The following AFG2A variants were observed in gnomAD, a reference collection of about 807,000 sequenced individuals.
The protein encoded by AFG2A is AAA ATPase AFG2A, also known as ATPase family gene 2 protein homolog A.
At chr4:123,248,071 C>CA in the AFG2A span, among the ~76,000 whole-genome samples, 387 of 148,312 alleles carry the variant, frequency 2.6e-3, 4 homozygotes, top group Non-Finnish European at 1.5e-3. Context: ...GTGCTTTGCA[C>CA]ACAAAAAAAA....
the AFG2A span, among the ~76,000 whole-genome samples, chr4:122,964,009 G>A: frequency 7.9e-5 from 12 of 152,034 alleles, no homozygotes; most frequent in East Asian, 2.3e-3. Flanking sequence ...GCTTCTCTTG[G>A]CATACAAATT....
chr4:123,234,247 G>T, the AFG2A span, among the ~76,000 whole-genome samples: 2 of 152,058 alleles, frequency 1.3e-5, no homozygotes, highest in Non-Finnish European at 2.9e-5. Flanking sequence ...TATACAATCT[G>T]ACGGTATAAA....
the AFG2A span, among the ~76,000 whole-genome samples, chr4:123,309,505 G>A: frequency 2.6e-5 from 4 of 152,320 alleles, no homozygotes; most frequent in African/African-American, 9.6e-5. Flanking sequence ...TGGAGATTAA[G>A]TTTCAACATA....
the AFG2A span, among the ~76,000 whole-genome samples, chr4:123,019,611 G>T: frequency 6.6e-6 from 1 of 152,116 alleles, no homozygotes; most frequent in African/African-American, 2.4e-5. Flanking sequence ...TTACATGTAT[G>T]CAATTTTCAA....
chr4:122,935,735 T>A, the AFG2A span: 1 of 1,607,632 alleles, frequency 6.2e-7, no homozygotes, highest in Non-Finnish European at 8.5e-7. Context: ...CCTAGAGGAG[T>A]GTTACTTTAT....
chr4:123,078,991 G>T, the AFG2A span, among the ~76,000 whole-genome samples: 1 of 152,080 alleles, frequency 6.6e-6, no homozygotes, highest in African/African-American at 2.4e-5. Flanking sequence ...CTTCTGTTTT[G>T]CATTGTTTGA....
the AFG2A span, among the ~76,000 whole-genome samples, chr4:123,131,311 A>AT: frequency 1.3e-5 from 2 of 152,062 alleles, no homozygotes; most frequent in African/African-American, 4.8e-5. Context: ...TTTTAAAATT[A>AT]TTTTTTTATT....
the AFG2A span, among the ~76,000 whole-genome samples, chr4:123,216,269 T>G: frequency 2.0e-5 from 3 of 152,160 alleles, no homozygotes; most frequent in African/African-American, 7.2e-5. Context: ...TAGATAAAAG[T>G]GAATGTGGAA....
chr4:123,097,311 A>G, the AFG2A span, among the ~76,000 whole-genome samples: 1 of 151,872 alleles, frequency 6.6e-6, no homozygotes, highest in Non-Finnish European at 1.5e-5. Context: ...CATTTTTCCT[A>G]GTTATAACTA....
At chr4:122,964,030 C>T in the AFG2A span, among the ~76,000 whole-genome samples, 2 of 152,092 alleles carry the variant, frequency 1.3e-5, no homozygotes, top group African/African-American at 4.8e-5. Flanking sequence ...GTACTCTAAT[C>T]ACCTTTTTTC....
At chr4:123,305,306 C>T in the AFG2A span, among the ~76,000 whole-genome samples, 16 of 152,228 alleles carry the variant, frequency 1.1e-4, no homozygotes, top group African/African-American at 3.1e-4. Flanking sequence ...TTCGGCATCC[C>T]TATTGGAAGG....
the AFG2A span, among the ~76,000 whole-genome samples, chr4:123,084,590 A>ATATGTGTG: frequency 7.0e-5 from 10 of 143,304 alleles, no homozygotes; most frequent in African/African-American, 2.1e-4. Context: ...GTATATATAT[A>ATATGTGTG]TGTGTGTGTG....
chr4:123,023,091 T>C, the AFG2A span, among the ~76,000 whole-genome samples: 4 of 150,894 alleles, frequency 2.7e-5, no homozygotes, highest in East Asian at 2.0e-4. Flanking sequence ...TGCTAAATGA[T>C]GAGTTAATGG....
At chr4:122,940,799 T>C in the AFG2A span, among the ~76,000 whole-genome samples, 1 of 151,500 alleles carries the variant, frequency 6.6e-6, no homozygotes, top group African/African-American at 2.4e-5. Flanking sequence ...CATCTTGAAT[T>C]AATTTTTGTA....
At chr4:123,131,614 T>A in the AFG2A span, among the ~76,000 whole-genome samples, 17 of 152,310 alleles carry the variant, frequency 1.1e-4, no homozygotes, top group African/African-American at 3.6e-4. Context: ...TTATTTTAAT[T>A]TAGCATAACG....
At chr4:123,073,772 G>A in the AFG2A span, among the ~76,000 whole-genome samples, 5 of 152,164 alleles carry the variant, frequency 3.3e-5, no homozygotes, top group Admixed American at 1.3e-4. Context: ...ACATTTAGAT[G>A]TATTGTTGAC....
chr4:123,000,259 A>G, the AFG2A span, among the ~76,000 whole-genome samples: 1 of 150,182 alleles, frequency 6.7e-6, no homozygotes, highest in African/African-American at 2.5e-5. Context: ...TACAGGGACA[A>G]TTTGACTTCC....
chr4:123,302,847 C>G, the AFG2A span, among the ~76,000 whole-genome samples: 1 of 152,332 alleles, frequency 6.6e-6, no homozygotes, highest in Middle Eastern at 3.4e-3. Flanking sequence ...AATGCCTCCT[C>G]AATGGAAACA....
At chr4:123,021,891 C>T in the AFG2A span, among the ~76,000 whole-genome samples, 1 of 151,850 alleles carries the variant, frequency 6.6e-6, no homozygotes, top group African/African-American at 2.4e-5. Context: ...CGCATATCTA[C>T]AACTATCTGA....
Sources: gnomAD v4.1 joint callset for allele counts (sites outside exome capture counted in the v4.1 genomes callset) on GRCh38, gnomAD v4.1.1 for gene constraint, MANE v1.5 for transcripts, NCBI Gene and HGNC (gene_info 2026-07-23, HGNC 2026-07-21) for gene names.